RTP2: variants seen among roughly 807,000 people sequenced by gnomAD.
RTP2 encodes receptor transporter protein 2, also known as receptor-transporting protein 2.
Under a neutral mutation model 17.9 loss-of-function variants are expected in RTP2, and 12 were observed. That is an observed-to-expected ratio of 0.67 (90% CI 0.43 to 1.09). RTP2 has a LOEUF of 1.09. RTP2 is among the 50% of genes least tolerant of loss of function. The pLI, the probability that RTP2 is intolerant of heterozygous loss-of-function variation, is 0.00. For synonymous variants in RTP2, 126 were observed against 117.7 expected (o/e 1.07, Z -0.46); for missense variants, 327 against 295.7 (o/e 1.11, Z -0.78).
chr3:187,714,538 A>T, the RTP2 span, among the ~76,000 whole-genome samples: 1 of 152,236 alleles, frequency 6.6e-6, no homozygotes, highest in Non-Finnish European at 1.5e-5. Flanking sequence ...GCTTCCCTGG[A>T]GCCAGAAAAA....
chr3:187,709,548 G>A, the RTP2 span, among the ~76,000 whole-genome samples: 227 of 152,282 alleles, frequency 1.5e-3, no homozygotes, highest in African/African-American at 5.3e-3. Context: ...GGCCAGGCAT[G>A]GTGGTATGCC....
At chr3:187,698,844 T>C in exon 2 of RTP2, 2 of 1,613,138 alleles carry the variant, frequency 1.2e-6, no homozygotes, top group Non-Finnish European at 1.7e-6. Context: ...GATGTTCTCC[T>C]CCAGCATGCT....
At chr3:187,710,401 C>T in the RTP2 span, among the ~76,000 whole-genome samples, 1 of 134,066 alleles carries the variant, frequency 7.5e-6, no homozygotes, top group Non-Finnish European at 1.6e-5. Context: ...ATATATATAT[C>T]ATATATTATA....
At chr3:187,715,177 G>A in the RTP2 span, among the ~76,000 whole-genome samples, 1 of 152,102 alleles carries the variant, frequency 6.6e-6, no homozygotes, top group East Asian at 1.9e-4. Flanking sequence ...AAATGGGGTA[G>A]GATCTTGTGT....
exon 2 of RTP2, chr3:187,698,874 G>T (rs1055612371): frequency 3.1e-6 from 5 of 1,612,936 alleles, no homozygotes; most frequent in Non-Finnish European, 4.2e-6. Flanking sequence ...CAGCCGCGCC[G>T]TGCCGCACTC....
At chr3:187,701,516 G>T (rs1447285237) in intron 1 of RTP2, among the ~76,000 whole-genome samples, 1 of 152,184 alleles carries the variant, frequency 6.6e-6, no homozygotes, top group Non-Finnish European at 1.5e-5. Flanking sequence ...GCACACAGCA[G>T]GTGGTCAATA....
intron 1 of RTP2, 49 bp from the exon 2 acceptor site, chr3:187,699,060 C>G (rs778244487): frequency 6.5e-7 from 1 of 1,531,528 alleles, no homozygotes; most frequent in Non-Finnish European, 8.8e-7. Context: ...CCCAGAGAAG[C>G]CTGCCCTGAG....
chr3:187,699,729 C>CACA (rs1717793534), intron 1 of RTP2, among the ~76,000 whole-genome samples: 3 of 116,438 alleles, frequency 2.6e-5, no homozygotes, highest in African/African-American at 1.0e-4. Flanking sequence ...CATTGCCACT[C>CACA]CACACACACA....
At chr3:187,701,135 A>T (rs149685324) in intron 1 of RTP2, among the ~76,000 whole-genome samples, 2 of 152,340 alleles carry the variant, frequency 1.3e-5, no homozygotes, top group African/African-American at 4.8e-5. Context: ...AGGCCTGCAC[A>T]GACACTACAG....
At chr3:187,698,879 G>A (rs138113784) in exon 2 of RTP2, 9 of 1,612,398 alleles carry the variant, frequency 5.6e-6, no homozygotes, top group Admixed American at 1.7e-5. Context: ...GCGCCGTGCC[G>A]CACTCATAGC....
At chr3:187,700,612 T>G (rs1470368371) in intron 1 of RTP2, among the ~76,000 whole-genome samples, 1 of 152,212 alleles carries the variant, frequency 6.6e-6, no homozygotes, top group African/African-American at 2.4e-5. Flanking sequence ...TTCTACACCT[T>G]TTTACATCAA....
exon 2 of RTP2, chr3:187,698,302 A>G (rs775896249): frequency 5.2e-6 from 3 of 581,846 alleles, no homozygotes; most frequent in Non-Finnish European, 9.0e-6. Flanking sequence ...CCTTCCCCCA[A>G]TTATTGTCAC....
chr3:187,706,387 A>C (rs944159854), upstream of RTP2, among the ~76,000 whole-genome samples: 2 of 152,214 alleles, frequency 1.3e-5, no homozygotes, highest in African/African-American at 4.8e-5. Flanking sequence ...GCAAAGTCCC[A>C]AGGTAAATAT....
intron 1 of RTP2, among the ~76,000 whole-genome samples, chr3:187,701,142 A>G (rs1166870391): frequency 2.6e-5 from 4 of 152,162 alleles, no homozygotes; most frequent in African/African-American, 9.7e-5. Flanking sequence ...CACAGACACT[A>G]CAGATGGACT....
exon 2 of RTP2, chr3:187,698,684 G>A: frequency 6.2e-7 from 1 of 1,614,196 alleles, no homozygotes; most frequent in Non-Finnish European, 8.5e-7. Flanking sequence ...TGGGCTTCCA[G>A]TGAACGATGC....
the RTP2 span, among the ~76,000 whole-genome samples, chr3:187,715,070 C>T: frequency 3.3e-5 from 5 of 152,274 alleles, no homozygotes; most frequent in East Asian, 1.9e-4. Flanking sequence ...TACAACCCTC[C>T]GCAAATGGCC....
intron 1 of RTP2, among the ~76,000 whole-genome samples, chr3:187,700,224 G>T (rs963100670): frequency 6.6e-6 from 1 of 152,248 alleles, no homozygotes; most frequent in Non-Finnish European, 1.5e-5. Flanking sequence ...ACCCCTGAAA[G>T]CCTGATCACA....
chr3:187,709,216 T>C, the RTP2 span, among the ~76,000 whole-genome samples: 72 of 152,346 alleles, frequency 4.7e-4, no homozygotes, highest in African/African-American at 1.7e-3. Flanking sequence ...GTATCTCTAA[T>C]GTTTAAAAAA....
the RTP2 span, among the ~76,000 whole-genome samples, chr3:187,713,513 A>G: frequency 6.9e-6 from 1 of 145,530 alleles, no homozygotes; most frequent in Non-Finnish European, 1.5e-5. Context: ...CAAGCACCCC[A>G]AGAACGCTGG....
Sources: gnomAD v4.1 joint callset for allele counts (sites outside exome capture counted in the v4.1 genomes callset) on GRCh38, gnomAD v4.1.1 for gene constraint, MANE v1.5 for transcripts, NCBI Gene and HGNC (gene_info 2026-07-23, HGNC 2026-07-21) for gene names.